Variants in GLIS1 observed in about 807,000 individuals in gnomAD.
GLIS1 encodes zinc finger protein GLIS1.
A neutral mutation model predicts 63.8 loss-of-function variants in GLIS1; 24 were observed. The ratio of observed to expected loss-of-function variants is 0.38; its 90% CI spans 0.27 to 0.53. The LOEUF (loss-of-function observed/expected upper bound fraction) is 0.53. Ranked by LOEUF, GLIS1 falls within the 20% of genes least tolerant of loss-of-function variation. GLIS1 has a pLI of 0.85. For synonymous variants in GLIS1, 450 were observed against 482.5 expected (o/e 0.93, Z 0.88); for missense variants, 1,036 against 1,074.1 (o/e 0.96, Z 0.50).
intron 2 of GLIS1, among the ~76,000 whole-genome samples, chr1:53,654,628 A>T (rs1645944359): frequency 6.6e-6 from 1 of 152,192 alleles, no homozygotes; most frequent in Non-Finnish European, 1.5e-5. Context: ...GCGGAGGGGG[A>T]AACTCGGAGA....
chr1:53,729,502 C>G (rs1016224219), intron 2 of GLIS1, among the ~76,000 whole-genome samples: 1 of 128,066 alleles, frequency 7.8e-6, no homozygotes, highest in Admixed American at 8.7e-5. Flanking sequence ...CCCCCCTCCC[C>G]CAAAAAGCAT....
intron 2 of GLIS1, among the ~76,000 whole-genome samples, chr1:53,634,706 C>T (rs1304947637): frequency 4.6e-5 from 7 of 152,170 alleles, no homozygotes; most frequent in Non-Finnish European, 8.8e-5. Context: ...ACTGCAGCTG[C>T]GGCCAATTGA....
At chr1:53,633,137 G>C (rs1645683981) in intron 2 of GLIS1, among the ~76,000 whole-genome samples, 1 of 149,986 alleles carries the variant, frequency 6.7e-6, no homozygotes, top group Admixed American at 6.6e-5. Context: ...ATGTATATGT[G>C]TGACTGAGGG....
chr1:53,710,961 A>C (rs1646640920), intron 2 of GLIS1, among the ~76,000 whole-genome samples: 1 of 151,406 alleles, frequency 6.6e-6, no homozygotes, highest in Admixed American at 6.6e-5. Flanking sequence ...CTCCCCCAAC[A>C]GAACTGCCAC....
At chr1:53,707,203 G>A (rs554960269) in intron 2 of GLIS1, among the ~76,000 whole-genome samples, 52 of 152,298 alleles carry the variant, frequency 3.4e-4, no homozygotes, top group Non-Finnish European at 6.8e-4. Flanking sequence ...GGAGAAAGAA[G>A]ATAAGGATGA....
chr1:53,524,882 C>G lies in GLIS1; in HGVS notation c.1488G>C (p.Pro496=). The G allele has an allele frequency of 6.3e-7, 1 of 1,587,450 alleles. No individual in the cohort carries two copies. The highest frequency in any genetic ancestry group is 8.6e-7 in the Non-Finnish European group (1 of 1,157,852). Residue 496 remains proline (P), a synonymous_variant, in exon 6 of 11, where the codon CCG becomes CCC. Coordinates refer to ENST00000628545, the MANE Select transcript of GLIS1 (RefSeq NM_001367484.1). ...AGCAGCCAGGGATCTGACAGGCGTA[C>G]GGCTTCTGTAACATGGGGGGCACGG... ...KHQRTHLDTK[P]YACQIPGCSK...
intron 2 of GLIS1, among the ~76,000 whole-genome samples, chr1:53,657,286 T>C (rs550789683): frequency 5.3e-5 from 8 of 152,298 alleles, no homozygotes; most frequent in African/African-American, 1.9e-4. Flanking sequence ...CACAGAGCTT[T>C]CTTTACCAAG....
intron 2 of GLIS1, among the ~76,000 whole-genome samples, chr1:53,662,885 T>C (rs934443347): frequency 6.6e-6 from 1 of 152,168 alleles, no homozygotes; most frequent in East Asian, 1.9e-4. Flanking sequence ...CCCGGCGCTA[T>C]AAAGCAAACA....
At chr1:53,727,586 G>T (rs945909505) in intron 2 of GLIS1, among the ~76,000 whole-genome samples, 1 of 152,224 alleles carries the variant, frequency 6.6e-6, no homozygotes, top group African/African-American at 2.4e-5. Context: ...CGCCAATCCT[G>T]GCCAAGAGGC....
chr1:53,627,471 C>T (rs1381183913), intron 2 of GLIS1, among the ~76,000 whole-genome samples: 7 of 152,126 alleles, frequency 4.6e-5, no homozygotes, highest in Non-Finnish European at 1.0e-4. Flanking sequence ...TCCCCCAGCC[C>T]ACTGTAAATG....
intron 2 of GLIS1, among the ~76,000 whole-genome samples, chr1:53,605,498 C>T (rs1408673520): frequency 6.6e-6 from 1 of 152,228 alleles, no homozygotes; most frequent in Non-Finnish European, 1.5e-5. Context: ...CTTAGGTGCG[C>T]CTTCTGCACA....
intron 2 of GLIS1, among the ~76,000 whole-genome samples, chr1:53,605,408 G>T (rs1000065933): frequency 5.3e-5 from 8 of 152,188 alleles, no homozygotes; most frequent in African/African-American, 1.9e-4. Flanking sequence ...CTGGAATGGT[G>T]CTTGGTCTCC....
In GLIS1 at chr1:53,552,250, C is replaced by T. The variant is rs573425237; in HGVS notation, c.1321-22298G>A. Reference sequence around the variant, plus strand: ...CACCACACACCCCAACCCTAAGCTGCTATAGGTGGAAAGTGTGTCCCGGTA... The same window carrying T: ...CACCACACACCCCAACCCTAAGCTGTTATAGGTGGAAAGTGTGTCCCGGTA... On this transcript the variant is annotated intron_variant, in intron 4 of 10. Transcript: ENST00000628545. Among the ~76,000 whole-genome samples, 51 of 152,214 alleles carry T rather than the reference C, an allele frequency of 3.4e-4. 2 individuals are homozygous for T. The South Asian group carries it at 0.011, about 32-fold the overall frequency.
At chr1:53,556,197 GTGCAGGTGTATTGCAGGTGTGTGTGTA>G in intron 4 of GLIS1, among the ~76,000 whole-genome samples, 1 of 142,486 alleles carries the variant, frequency 7.0e-6, no homozygotes, top group African/African-American at 2.6e-5. Context: ...TTGTGTGTGT[GTGCAGGTGTATTGCAGGTGTGTGTGTA>G]TGCAGGTGTA....
intron 4 of GLIS1, among the ~76,000 whole-genome samples, chr1:53,576,294 G>T (rs919938920): frequency 3.3e-5 from 5 of 152,120 alleles, no homozygotes; most frequent in African/African-American, 1.2e-4. Flanking sequence ...TCCTACTGGG[G>T]CATCAGATGC....
At chr1:53,677,061 C>G (rs1462750715) in intron 2 of GLIS1, among the ~76,000 whole-genome samples, 1 of 152,178 alleles carries the variant, frequency 6.6e-6, no homozygotes, top group Non-Finnish European at 1.5e-5. Context: ...ACAGCAGGTA[C>G]CGCACAAGCC....
At chr1:53,724,889 C>G (rs1646789998) in intron 2 of GLIS1, among the ~76,000 whole-genome samples, 1 of 152,148 alleles carries the variant, frequency 6.6e-6, no homozygotes, top group African/African-American at 2.4e-5. Context: ...CAATTGATCA[C>G]TGTAGGATAA....
At chr1:53,551,966 C>T (rs1644764648) in intron 4 of GLIS1, among the ~76,000 whole-genome samples, 1 of 152,098 alleles carries the variant, frequency 6.6e-6, no homozygotes, top group Non-Finnish European at 1.5e-5. Context: ...CTCTTGCACC[C>T]AACCAGAAAA....
chr1:53,663,524 C>T (rs1557509612), intron 2 of GLIS1, among the ~76,000 whole-genome samples: 1 of 152,230 alleles, frequency 6.6e-6, no homozygotes, highest in Non-Finnish European at 1.5e-5. Flanking sequence ...CCAGCTGGGG[C>T]ACCCTCCTCT....
Sources: allele counts gnomAD v4.1 joint callset (sites outside exome capture counted in the v4.1 genomes callset), GRCh38; gene constraint gnomAD v4.1.1; transcripts MANE v1.5; gene names NCBI Gene and HGNC (gene_info 2026-07-23, HGNC 2026-07-21).